Variants in ANKRD29 observed in about 807,000 individuals in gnomAD.
The protein encoded by ANKRD29 is ankyrin repeat domain 29.
ANKRD29 carries 32 observed loss-of-function variants against 38.0 expected under a neutral mutation model. The observed-to-expected ratio is 0.84, with a 90% CI of 0.64 to 1.13. The LOEUF (loss-of-function observed/expected upper bound fraction) is 1.13, where lower values mean the gene tolerates loss of function less well. ANKRD29 is among the 50% of genes most tolerant of loss of function. ANKRD29 has a pLI of 0.00. For synonymous variants in ANKRD29, 135 were observed against 152.4 expected, an observed-to-expected ratio of 0.89 and a Z score of 0.84; for missense variants, 357 against 377.9, an observed-to-expected ratio of 0.94 and a Z score of 0.46.
intron 4 of ANKRD29, among the ~76,000 whole-genome samples, chr18:23,634,676 C>T (rs184302629): frequency 6.6e-6 from 1 of 152,108 alleles, no homozygotes; most frequent in Non-Finnish European, 1.5e-5. Flanking sequence ...TATATGTGGG[C>T]GGCTTGCTAG....
At position 23,660,826 on chromosome 18, in the gene ANKRD29, C is replaced by A. The variant is rs541277123; in HGVS notation, c.21+1884G>T. ...TTGTCCAAACAAACAAACAAACTAA[C>A]AAAAATCTGTTTCTTGCAGAATTTC... On this transcript the variant is annotated intron_variant, in intron 1 of 9. Coordinates refer to ENST00000592179, the MANE Select transcript of ANKRD29 (RefSeq NM_173505.4). 2.5e-4 allele frequency among the ~76,000 whole-genome samples: 38 copies of A among 152,288 alleles called. No homozygotes were observed. The South Asian group carries it at 7.9e-3, about 32-fold the overall frequency.
chr18:23,612,355 T>A (rs1418511347), intron 8 of ANKRD29, among the ~76,000 whole-genome samples, 165 bp from the exon 9 acceptor site: 1 of 152,240 alleles, frequency 6.6e-6, no homozygotes, highest in African/African-American at 2.4e-5. Flanking sequence ...TAGTATAGTG[T>A]CCTTGGATAC....
At chr18:23,650,716 A>C (rs2060199991) in intron 1 of ANKRD29, among the ~76,000 whole-genome samples, 1 of 152,186 alleles carries the variant, frequency 6.6e-6, no homozygotes, top group Non-Finnish European at 1.5e-5. Flanking sequence ...ACCTGCCTTG[A>C]AGTTGACGGT....
intron 9 of ANKRD29, among the ~76,000 whole-genome samples, chr18:23,605,628 G>T (rs2059566065): frequency 6.6e-6 from 1 of 152,048 alleles, no homozygotes; most frequent in African/African-American, 2.4e-5. Flanking sequence ...CCGGGTTCAA[G>T]CAATTCTCCT....
intron 1 of ANKRD29, among the ~76,000 whole-genome samples, chr18:23,657,371 T>C (rs2060298365): frequency 6.6e-6 from 1 of 152,224 alleles, no homozygotes; most frequent in African/African-American, 2.4e-5. Context: ...CTCAACTCCC[T>C]GAGAAATTCA....
chr18:23,604,315 GTCCTGTATAT>G (rs2059549234), intron 9 of ANKRD29, among the ~76,000 whole-genome samples: 1 of 152,160 alleles, frequency 6.6e-6, no homozygotes, highest in Non-Finnish European at 1.5e-5. Context: ...GACTTCACTT[GTCCTGTATAT>G]TCCTTCCCTT....
intron 3 of ANKRD29, among the ~76,000 whole-genome samples, chr18:23,639,779 GC>G (rs2060049955): frequency 6.6e-6 from 1 of 152,108 alleles, no homozygotes; most frequent in Admixed American, 6.5e-5. Context: ...CAAGTGAGCT[GC>G]CCACCTTGGC....
At chr18:23,604,424 T>A (rs1341062089) in intron 9 of ANKRD29, among the ~76,000 whole-genome samples, 2 of 152,188 alleles carry the variant, frequency 1.3e-5, no homozygotes, top group Non-Finnish European at 2.9e-5. Flanking sequence ...CCTGTTTTTA[T>A]TTTTTTCTTC....
rs2059487987 is a variant in ANKRD29 at position 23,599,407 on chromosome 18, T to G, written c.*1819A>C. ...GTTTGTGATTCATCCCATTTTGGCT[T>G]TTGGAACTTTGTTATCAGTACCCAT... On this transcript the variant is annotated 3_prime_UTR_variant, in exon 10 of 10. Transcript: ENST00000592179. 6.6e-6 allele frequency: 1 copy of G among 152,254 alleles called. No individual in the cohort carries two copies. Among genetic ancestry groups the G allele is most frequent in the South Asian group, 2.1e-4 (1 of 4,834 alleles). 9.4% of individuals were successfully genotyped at this position (152,254 alleles called of 1,614,324 possible).
intron 7 of ANKRD29, 56 bp downstream of exon 7, chr18:23,619,475 T>G: frequency 6.7e-7 from 1 of 1,490,380 alleles, no homozygotes. Context: ...ACCCGTTTTC[T>G]CCACACAGGC....
At chr18:23,616,604 CT>C (rs1369870138) in intron 8 of ANKRD29, among the ~76,000 whole-genome samples, 13 of 131,286 alleles carry the variant, frequency 9.9e-5, no homozygotes, top group African/African-American at 3.0e-4. Context: ...ACTATATATA[CT>C]ATATATATAG....
chr18:23,644,683 C>A (rs7227313), intron 3 of ANKRD29, among the ~76,000 whole-genome samples: 2,477 of 152,236 alleles, frequency 0.016, 76 homozygotes, highest in African/African-American at 0.057. Flanking sequence ...AACACCCAGA[C>A]GGGTGGTGGG....
chr18:23,662,772 G>T lies in ANKRD29; in HGVS notation c.-42C>A. The T allele has an allele frequency of 6.9e-7, 1 of 1,444,902 alleles. No homozygotes were observed. Among genetic ancestry groups the T allele is most frequent in the East Asian group, 3.1e-5 (1 of 32,572 alleles). The allele number at this position is 1,444,902 out of a possible 1,614,324, so 89.5% of individuals were successfully genotyped here. A position where few individuals can be genotyped will look rare whatever the true frequency, so the allele number is the denominator to read the frequency against. On this transcript the variant is annotated 5_prime_UTR_variant, in exon 1 of 10. Transcript: ENST00000592179. ...GCGGGAGCCGGCGCGCTTTGGGCCC[G>T]GGGCGCCTTGTCCTCCCCGGCCCTT... is the stretch of plus-strand genomic sequence containing the variant.
At chr18:23,604,911 A>C (rs2059556695) in intron 9 of ANKRD29, among the ~76,000 whole-genome samples, 1 of 152,042 alleles carries the variant, frequency 6.6e-6, no homozygotes, top group African/African-American at 2.4e-5. Flanking sequence ...ATCACACAGA[A>C]TTTTATTTTA....
At chr18:23,638,164 AT>A (rs917125382) in intron 4 of ANKRD29, among the ~76,000 whole-genome samples, 202 of 150,470 alleles carry the variant, frequency 1.3e-3, no homozygotes, top group African/African-American at 4.5e-3. Flanking sequence ...CGCCTGGCTA[AT>A]TTTTTTTTGT....
rs1652345 is a variant in ANKRD29, at chr18:23,629,777, T to A, written c.528+76A>T. Reference sequence around the variant, plus strand: ...TTGAGCTTACTGGTTATCTCAGGTATGTGCTGCCAGCGGACACCCAGCCCT... The same window carrying A: ...TTGAGCTTACTGGTTATCTCAGGTAAGTGCTGCCAGCGGACACCCAGCCCT... On this transcript the variant is annotated intron_variant, in intron 6 of 9. Coordinates refer to ENST00000592179, the MANE Select transcript of ANKRD29 (RefSeq NM_173505.4). 220 of 1,163,182 alleles carry A rather than the reference T, an allele frequency of 1.9e-4. 1 individual carries two copies. The African/African-American group carries it at 2.5e-3, about 13-fold the overall frequency. The allele number at this position is 1,163,182 out of a possible 1,614,324, so 72.1% of individuals were successfully genotyped here. A position where few individuals can be genotyped will look rare whatever the true frequency, so the allele number is the denominator to read the frequency against.
intron 1 of ANKRD29, among the ~76,000 whole-genome samples, chr18:23,655,111 C>T (rs2060262073): frequency 6.6e-6 from 1 of 152,136 alleles, no homozygotes; most frequent in African/African-American, 2.4e-5. Flanking sequence ...TAAGTATTTA[C>T]AATTTTCAGA....
At chr18:23,638,200 C>T (rs1240408544) in intron 4 of ANKRD29, among the ~76,000 whole-genome samples, 1 of 151,986 alleles carries the variant, frequency 6.6e-6, no homozygotes, top group Non-Finnish European at 1.5e-5. Context: ...CAGGGTTTCA[C>T]CATGTTGATC....
intron 4 of ANKRD29, among the ~76,000 whole-genome samples, chr18:23,637,923 T>A (rs1355706688): frequency 1.3e-5 from 2 of 151,824 alleles, no homozygotes; most frequent in Non-Finnish European, 2.9e-5. Flanking sequence ...AATCATACTG[T>A]CAACATGAAA....
Sources: gnomAD v4.1 joint callset for allele counts (sites outside exome capture counted in the v4.1 genomes callset) on GRCh38, gnomAD v4.1.1 for gene constraint, MANE v1.5 for transcripts, NCBI Gene and HGNC (gene_info 2026-07-23, HGNC 2026-07-21) for gene names.